The following ARSB variants were observed in gnomAD, a reference collection of about 807,000 sequenced individuals.
ARSB encodes N-acetylgalactosamine-4-sulfatase.
In ARSB, 41 loss-of-function variants were observed where a neutral mutation model predicts 50.9. The ratio of observed to expected loss-of-function variants is 0.81; its 90% CI spans 0.63 to 1.04. The LOEUF is 1.04. Among genes scored for constraint, ARSB ranks in the 50% least tolerant of loss-of-function variants. The probability of loss-of-function intolerance (pLI) is 0.00; values close to 1 mark genes in which losing one functional copy is unlikely to be tolerated. For synonymous variants in ARSB, 269 were observed against 284.8 expected (o/e 0.94, Z 0.56); for missense variants, 672 against 693.3 (o/e 0.97, Z 0.35).
At chr5:78,905,791 G>A (rs1328123225) in intron 4 of ARSB, among the ~76,000 whole-genome samples, 1 of 151,544 alleles carries the variant, frequency 6.6e-6, no homozygotes, top group Non-Finnish European at 1.5e-5. Context: ...CCCAACCTCC[G>A]CTCCAGGGGC....
intron 6 of ARSB, among the ~76,000 whole-genome samples, chr5:78,809,007 C>A (rs1013173144): frequency 6.6e-5 from 10 of 152,174 alleles, no homozygotes; most frequent in Non-Finnish European, 1.2e-4. Flanking sequence ...TCTCAGATAA[C>A]GGATTTGCAA....
At position 78,969,096 on chromosome 5, in the gene ARSB, C is replaced by T. The variant is rs2112530008; in HGVS notation, c.409G>A (p.Gly137Ser). ...TTTCCGACCATATGGGTAGTATAAC[C>T]TGCTTCTTTTAGGAGCTGGGGCAGG... is the stretch of plus-strand genomic sequence containing the variant. ...KLLPQLLKEA[G>S]YTTHMVGKWH... The change falls in exon 2 of 8, where the codon GGT becomes AGT. Residue 137 changes from glycine to serine, a missense_variant. Gly to Ser is a moderately conservative substitution (Grantham distance 56, BLOSUM62 0). Coordinates refer to ENST00000264914, the MANE Select transcript of ARSB (RefSeq NM_000046.5). 6.2e-7 allele frequency: 1 copy of T among 1,614,196 alleles called. No individual in the cohort carries two copies. Among genetic ancestry groups the T allele is most frequent in the Non-Finnish European group, 8.5e-7 (1 of 1,180,024 alleles).
chr5:78,984,627 C>T (rs1038978006), intron 1 of ARSB, among the ~76,000 whole-genome samples: 10 of 152,116 alleles, frequency 6.6e-5, no homozygotes, highest in Admixed American at 6.5e-5. Flanking sequence ...CCGGCCGCGG[C>T]GCCCAGCACC....
intron 5 of ARSB, among the ~76,000 whole-genome samples, chr5:78,874,008 A>G (rs946293039): frequency 6.6e-6 from 1 of 152,208 alleles, no homozygotes; most frequent in Admixed American, 6.5e-5. Context: ...TTGCAAAGGA[A>G]TAAAATCAGG....
rs145490007 is a variant in ARSB at position 78,969,510 on chromosome 5, T to G, written c.313-318A>C. ...GTAGCAATAATATGTGGTGTGAATCTAACAAGAAAAAAGCGTTCCAATTTT... is the reference window on the plus strand; with the variant it reads ...GTAGCAATAATATGTGGTGTGAATCGAACAAGAAAAAAGCGTTCCAATTTT... On this transcript the variant is annotated intron_variant, in intron 1 of 7. Transcript: ENST00000264914. 1.4e-3 allele frequency among the ~76,000 whole-genome samples: 210 copies of G among 152,380 alleles called. 1 individual carries two copies. Among genetic ancestry groups the G allele is most frequent in the East Asian group, 0.012 (64 of 5,194 alleles).
At chr5:78,788,758 A>G (rs6891547) in intron 6 of ARSB, among the ~76,000 whole-genome samples, 39,540 of 151,896 alleles carry the variant, frequency 0.26, 7,022 homozygotes, top group African/African-American at 0.5. Context: ...GTGCTACCAT[A>G]CCTAGCTAAT....
intron 4 of ARSB, among the ~76,000 whole-genome samples, chr5:78,897,160 G>A (rs1748601085): frequency 6.6e-6 from 1 of 152,142 alleles, no homozygotes. Flanking sequence ...AAAACATAGA[G>A]ACTAGACTTA....
At chr5:78,982,502 C>T (rs1000633042) in intron 1 of ARSB, among the ~76,000 whole-genome samples, 1 of 152,124 alleles carries the variant, frequency 6.6e-6, no homozygotes, top group Non-Finnish European at 1.5e-5. Flanking sequence ...TTTGAGTAGG[C>T]AATATGGCTT....
At chr5:78,985,323 T>C, upstream of ARSB, 1 of 1,196,364 alleles carries the variant, frequency 8.4e-7, no homozygotes, top group Non-Finnish European at 1.0e-6. Flanking sequence ...GGAACTGGGC[T>C]GCCGGGGCCT....
chr5:78,977,923 ATAAAAT>A (rs1752737148), intron 1 of ARSB, among the ~76,000 whole-genome samples: 1 of 152,240 alleles, frequency 6.6e-6, no homozygotes, highest in African/African-American at 2.4e-5. Context: ...ACTACTGAAA[ATAAAAT>A]TAAGAAAGGA....
intron 5 of ARSB, among the ~76,000 whole-genome samples, chr5:78,848,842 G>A (rs1745591942): frequency 6.6e-6 from 1 of 152,122 alleles, no homozygotes; most frequent in African/African-American, 2.4e-5. Context: ...ATTTTTTCAC[G>A]TGTCTTTTGG....
At chr5:78,933,642 G>T (rs1750444825) in intron 4 of ARSB, among the ~76,000 whole-genome samples, 1 of 152,026 alleles carries the variant, frequency 6.6e-6, no homozygotes, top group Middle Eastern at 3.2e-3. Flanking sequence ...GTTTCTCCTA[G>T]GAAAAGAACT....
intron 4 of ARSB, among the ~76,000 whole-genome samples, chr5:78,935,361 TAGA>T (rs753163530): frequency 2.0e-5 from 3 of 152,194 alleles, no homozygotes; most frequent in African/African-American, 4.8e-5. Context: ...CCATCTTCAG[TAGA>T]AGAAGGAGGA....
chr5:78,870,845 T>C (rs375920515), intron 5 of ARSB, among the ~76,000 whole-genome samples: 8,162 of 151,964 alleles, frequency 0.054, 493 homozygotes, highest in African/African-American at 0.15. Context: ...AAATAAAGGG[T>C]ATTCAATTAG....
chr5:78,902,034 A>G (rs1395881268), intron 4 of ARSB, among the ~76,000 whole-genome samples: 2 of 152,228 alleles, frequency 1.3e-5, no homozygotes, highest in Non-Finnish European at 2.9e-5. Flanking sequence ...AAACAAGTTT[A>G]TTTAGCTCAT....
intron 6 of ARSB, 136 bp from the exon 7 acceptor site, chr5:78,782,110 A>G: frequency 9.0e-7 from 1 of 1,107,972 alleles, no homozygotes; most frequent in Non-Finnish European, 1.3e-6. Context: ...CACAGAAATG[A>G]ATCTTTTATT....
At chr5:78,879,640 C>T (rs1169522298) in intron 5 of ARSB, among the ~76,000 whole-genome samples, 1 of 152,210 alleles carries the variant, frequency 6.6e-6, no homozygotes, top group East Asian at 1.9e-4. Context: ...AAAAAAGTTT[C>T]AGACCTCTGG....
chr5:78,911,765 G>A (rs1580050235), intron 4 of ARSB, among the ~76,000 whole-genome samples: 1 of 151,928 alleles, frequency 6.6e-6, no homozygotes, highest in Non-Finnish European at 1.5e-5. Flanking sequence ...TTCTATGGAT[G>A]GTGATTTTAA....
intron 6 of ARSB, among the ~76,000 whole-genome samples, chr5:78,797,184 G>A (rs902833820): frequency 1.3e-4 from 20 of 152,062 alleles, no homozygotes; most frequent in Non-Finnish European, 8.8e-5. Flanking sequence ...GGCAGGTCTC[G>A]ATCTCTTGAC....
Sources: allele counts gnomAD v4.1 joint callset (sites outside exome capture counted in the v4.1 genomes callset), GRCh38; gene constraint gnomAD v4.1.1; transcripts MANE v1.5; gene names NCBI Gene and HGNC (gene_info 2026-07-23, HGNC 2026-07-21).